Variants in PTPRK observed in about 807,000 individuals in gnomAD.
PTPRK encodes receptor-type tyrosine-protein phosphatase kappa.
PTPRK carries 75 observed loss-of-function variants against 178.0 expected under a neutral mutation model. The observed-to-expected ratio is 0.42, with a 90% CI of 0.35 to 0.51. The LOEUF (loss-of-function observed/expected upper bound fraction) is 0.51, where lower values mean the gene tolerates loss of function less well. Among genes scored for constraint, PTPRK ranks in the 20% least tolerant of loss-of-function variants. The pLI is 0.02. For synonymous variants in PTPRK, 637 were observed against 620.6 expected (o/e 1.03, Z -0.39); for missense variants, 1,441 against 1,797.8 (o/e 0.80, Z 3.59).
At chr6:128,393,866 A>G (rs1286960421) in intron 2 of PTPRK, among the ~76,000 whole-genome samples, 1 of 152,172 alleles carries the variant, frequency 6.6e-6, no homozygotes, top group Non-Finnish European at 1.5e-5. Context: ...TACATAAAGA[A>G]AAGTACACAA....
chr6:127,994,238 G>T (rs143023026), intron 18 of PTPRK, among the ~76,000 whole-genome samples: 4,123 of 151,560 alleles, frequency 0.027, 67 homozygotes, highest in Non-Finnish European at 0.042. Context: ...CCTATTTATG[G>T]AAATTATAAA....
At chr6:128,456,122 G>C (rs556332565) in intron 1 of PTPRK, among the ~76,000 whole-genome samples, 2 of 152,062 alleles carry the variant, frequency 1.3e-5, no homozygotes, top group East Asian at 3.9e-4. Context: ...CAAAATTCAA[G>C]ATCCAGCAGT....
intron 1 of PTPRK, among the ~76,000 whole-genome samples, chr6:128,505,755 A>G (rs1856242278): frequency 1.3e-5 from 2 of 152,226 alleles, no homozygotes; most frequent in African/African-American, 4.8e-5. Flanking sequence ...AGAAATCTAA[A>G]GCTCGAGTCT....
At chr6:128,319,311 T>C (rs913667054) in intron 3 of PTPRK, among the ~76,000 whole-genome samples, 1 of 152,174 alleles carries the variant, frequency 6.6e-6, no homozygotes, top group Non-Finnish European at 1.5e-5. Context: ...TCTATGTATA[T>C]CTCGCATTTC....
intron 3 of PTPRK, among the ~76,000 whole-genome samples, chr6:128,297,225 C>T (rs1293329229): frequency 6.6e-6 from 1 of 152,024 alleles, no homozygotes; most frequent in Non-Finnish European, 1.5e-5. Flanking sequence ...ATTCATAAAG[C>T]AAGTCCTGAG....
intron 13 of PTPRK, among the ~76,000 whole-genome samples, chr6:128,039,464 T>C (rs1776796266): frequency 1.3e-5 from 2 of 152,180 alleles, no homozygotes; most frequent in African/African-American, 2.4e-5. Flanking sequence ...TGAAATTACA[T>C]ACAGCAAAGT....
intron 7 of PTPRK, among the ~76,000 whole-genome samples, chr6:128,141,477 T>C (rs1384715460): frequency 1.3e-5 from 2 of 152,034 alleles, no homozygotes; most frequent in Middle Eastern, 3.4e-3. Flanking sequence ...TAGAATACTT[T>C]AGTCATTCAC....
chr6:128,034,748 A>G (rs1775927713), intron 13 of PTPRK, among the ~76,000 whole-genome samples: 1 of 152,186 alleles, frequency 6.6e-6, no homozygotes, highest in African/African-American at 2.4e-5. Context: ...GGGTTAGACA[A>G]TCAGAAGTAG....
At chr6:128,135,077 A>ATCAC (rs1245153871) in intron 7 of PTPRK, among the ~76,000 whole-genome samples, 2,660 of 113,720 alleles carry the variant, frequency 0.023, 70 homozygotes, top group African/African-American at 0.11. Context: ...TAATCATTCA[A>ATCAC]TCACACACAC....
At chr6:128,058,040 A>G (rs1780200633) in intron 13 of PTPRK, among the ~76,000 whole-genome samples, 1 of 152,196 alleles carries the variant, frequency 6.6e-6, no homozygotes, top group African/African-American at 2.4e-5. Context: ...CATTATGTGA[A>G]TATGCCCAAC....
At chr6:128,005,795 C>A (rs917234401) in intron 14 of PTPRK, among the ~76,000 whole-genome samples, 14 of 10,638 alleles carry the variant, frequency 1.3e-3, no homozygotes, top group Non-Finnish European at 1.6e-3. Context: ...TAGACTAAAG[C>A]TACTTATGGA....
At chr6:128,273,715 C>T (rs1373847441) in intron 3 of PTPRK, among the ~76,000 whole-genome samples, 2 of 152,128 alleles carry the variant, frequency 1.3e-5, no homozygotes, top group African/African-American at 4.8e-5. Context: ...GGGTTATCTC[C>T]ATTGAGTACA....
At chr6:128,440,112 A>C (rs1846090298) in intron 1 of PTPRK, among the ~76,000 whole-genome samples, 1 of 152,178 alleles carries the variant, frequency 6.6e-6, no homozygotes, top group South Asian at 2.1e-4. Context: ...TGTGGATTTC[A>C]TGGGGCCAAC....
chr6:128,242,774 A>G (rs1814702985), intron 3 of PTPRK, among the ~76,000 whole-genome samples, 172 bp from the exon 4 acceptor site: 1 of 152,244 alleles, frequency 6.6e-6, no homozygotes, highest in South Asian at 2.1e-4. Context: ...TAAACAAATC[A>G]AAATATAAAA....
At chr6:128,119,270 GT>G (rs561294266) in intron 7 of PTPRK, among the ~76,000 whole-genome samples, 15 of 147,514 alleles carry the variant, frequency 1.0e-4, no homozygotes, top group African/African-American at 2.7e-4. Flanking sequence ...GTGTTTTTTG[GT>G]TTTTTTTTTA....
At chr6:128,164,312 T>G (rs1799092597) in intron 7 of PTPRK, among the ~76,000 whole-genome samples, 1 of 151,444 alleles carries the variant, frequency 6.6e-6, no homozygotes. Context: ...CTACTATTCA[T>G]GAATAAAGCA....
chr6:128,492,992 G>A (rs957477300), intron 1 of PTPRK, among the ~76,000 whole-genome samples: 14 of 152,102 alleles, frequency 9.2e-5, no homozygotes, highest in African/African-American at 3.1e-4. Context: ...CCAGAGTGTG[G>A]TGTCCCATGT....
intron 5 of PTPRK, among the ~76,000 whole-genome samples, chr6:128,229,324 G>T (rs563037465): frequency 6.6e-6 from 1 of 152,050 alleles, no homozygotes. Flanking sequence ...CAAGAATATC[G>T]GTGTGGAAAT....
intron 7 of PTPRK, among the ~76,000 whole-genome samples, chr6:128,153,209 A>G (rs936313752): frequency 2.0e-5 from 3 of 152,026 alleles, no homozygotes; most frequent in Non-Finnish European, 4.4e-5. Context: ...AAAATCAAAG[A>G]AAGACTAGAC....
Sources: gnomAD v4.1 joint callset for allele counts (sites outside exome capture counted in the v4.1 genomes callset) on GRCh38, gnomAD v4.1.1 for gene constraint, MANE v1.5 for transcripts, NCBI Gene and HGNC (gene_info 2026-07-23, HGNC 2026-07-21) for gene names.